MTUS1: variants seen among roughly 807,000 people sequenced by gnomAD.
MTUS1 encodes microtubule associated scaffold protein 1, also known as microtubule-associated tumor suppressor 1.
In MTUS1, 109 loss-of-function variants were observed where a neutral mutation model predicts 120.8. That is an observed-to-expected ratio of 0.90 (90% confidence interval 0.77 to 1.06). The LOEUF is 1.06. Among genes scored for constraint, MTUS1 ranks in the 50% least tolerant of loss-of-function variants. The pLI is 0.00. For missense variants in MTUS1, 2,210 were observed against 1,486.3 expected, an observed-to-expected ratio of 1.49 and a Z score of -8.01; for synonymous variants, 737 against 550.5, an observed-to-expected ratio of 1.34 and a Z score of -4.74.
intron 1 of MTUS1, among the ~76,000 whole-genome samples, chr8:17,788,585 G>A (rs1255795227): frequency 6.6e-6 from 1 of 152,144 alleles, no homozygotes; most frequent in Non-Finnish European, 1.5e-5. Context: ...TTGAAAAGCA[G>A]GCTAGGAAGG....
intron 6 of MTUS1, chr8:17,691,205 A>G (rs1023226476): frequency 2.6e-5 from 4 of 152,228 alleles, no homozygotes; most frequent in African/African-American, 9.6e-5. Flanking sequence ...ACATTAAAAC[A>G]TAATTTAGTG....
At chr8:17,753,642 T>C (rs2048359741) in intron 2 of MTUS1, 75 bp downstream of exon 2, 5 of 985,350 alleles carry the variant, frequency 5.1e-6, no homozygotes, top group Non-Finnish European at 7.4e-6. Context: ...GACTAATAGA[T>C]AACTAAATGC....
At chr8:17,679,088 G>C (rs1449020230) in intron 7 of MTUS1, among the ~76,000 whole-genome samples, 1 of 152,152 alleles carries the variant, frequency 6.6e-6, no homozygotes, top group Admixed American at 6.5e-5. Flanking sequence ...TAGTTACTAA[G>C]TAGACTTGCA....
chr8:17,750,987 G>T (rs909655515), intron 2 of MTUS1, among the ~76,000 whole-genome samples: 65 of 152,158 alleles, frequency 4.3e-4, no homozygotes, highest in African/African-American at 1.5e-3. Flanking sequence ...TAAACTCAAG[G>T]CCTAAGGCAG....
intron 2 of MTUS1, among the ~76,000 whole-genome samples, chr8:17,753,024 C>G (rs75837647): frequency 0.04 from 6,056 of 152,212 alleles, 157 homozygotes; most frequent in African/African-American, 0.079. Flanking sequence ...TCTAGGTCCC[C>G]CCCAAATATT....
At chr8:17,718,782 T>A (rs1162917589) in intron 4 of MTUS1, among the ~76,000 whole-genome samples, 1 of 151,726 alleles carries the variant, frequency 6.6e-6, no homozygotes, top group Non-Finnish European at 1.5e-5. Flanking sequence ...AAAGTGTGGT[T>A]CAAGTGAAAT....
At chr8:17,702,405 A>C (rs895762114) in intron 6 of MTUS1, among the ~76,000 whole-genome samples, 1 of 152,178 alleles carries the variant, frequency 6.6e-6, no homozygotes, top group African/African-American at 2.4e-5. Context: ...TTGTGGCAAG[A>C]ACACTTAATG....
At chr8:17,725,098 G>A (rs1020378633) in intron 3 of MTUS1, among the ~76,000 whole-genome samples, 5 of 151,884 alleles carry the variant, frequency 3.3e-5, no homozygotes, top group African/African-American at 1.2e-4. Flanking sequence ...CAAACCATTG[G>A]AATCATCTTT....
chr8:17,666,393 G>C (rs1198367569), intron 8 of MTUS1, among the ~76,000 whole-genome samples: 1 of 152,104 alleles, frequency 6.6e-6, no homozygotes, highest in South Asian at 2.1e-4. Context: ...AAAAGTCCTT[G>C]GCATGTGTAA....
At chr8:17,670,312 T>C (rs766410662) in intron 8 of MTUS1, among the ~76,000 whole-genome samples, 1 of 152,126 alleles carries the variant, frequency 6.6e-6, no homozygotes, top group African/African-American at 2.4e-5. Flanking sequence ...AAAATAAATC[T>C]GTGTCACTGT....
intron 1 of MTUS1, among the ~76,000 whole-genome samples, chr8:17,779,047 G>A (rs1322143703): frequency 1.3e-5 from 2 of 152,152 alleles, no homozygotes; most frequent in African/African-American, 2.4e-5. Context: ...GGAAAGCATG[G>A]ATGCTCTGAT....
intron 1 of MTUS1, among the ~76,000 whole-genome samples, chr8:17,795,483 C>T (rs1405785188): frequency 6.6e-6 from 1 of 152,154 alleles, no homozygotes; most frequent in Non-Finnish European, 1.5e-5. Context: ...AAACCTCTTC[C>T]AATACATCTT....
chr8:17,785,125 T>TC (rs1279408120), intron 1 of MTUS1, among the ~76,000 whole-genome samples: 2 of 84,698 alleles, frequency 2.4e-5, no homozygotes, highest in African/African-American at 6.4e-5. Flanking sequence ...CATTCCTAGG[T>TC]CCTCTATCAC....
At chr8:17,733,212 G>A (rs780839546) in intron 3 of MTUS1, among the ~76,000 whole-genome samples, 32 of 152,150 alleles carry the variant, frequency 2.1e-4, no homozygotes, top group South Asian at 1.9e-3. Context: ...CTAGCTGGGC[G>A]TGGTGGCAGG....
chr8:17,707,125 G>T (rs1008110865), intron 6 of MTUS1, among the ~76,000 whole-genome samples: 3 of 152,162 alleles, frequency 2.0e-5, no homozygotes, highest in Admixed American at 6.5e-5. Flanking sequence ...AATGTCTTCT[G>T]TATCAGCTAA....
chr8:17,765,914 A>G (rs946433330), intron 1 of MTUS1, among the ~76,000 whole-genome samples: 3 of 152,114 alleles, frequency 2.0e-5, no homozygotes, highest in Non-Finnish European at 2.9e-5. Flanking sequence ...ATAGCACCAA[A>G]AATTGGTTCT....
intron 12 of MTUS1, among the ~76,000 whole-genome samples, chr8:17,650,257 T>A (rs1041689564): frequency 6.6e-6 from 1 of 152,298 alleles, no homozygotes; most frequent in African/African-American, 2.4e-5. Flanking sequence ...CAAAACAGAA[T>A]CTTGGCTGGA....
intron 6 of MTUS1, chr8:17,697,341 G>C (rs747813241): frequency 6.2e-7 from 1 of 1,614,176 alleles, no homozygotes; most frequent in East Asian, 2.2e-5. Flanking sequence ...AGTCGTATGT[G>C]AATGGTGGAT....
At chr8:17,707,419 T>C (rs1820391388) in intron 6 of MTUS1, among the ~76,000 whole-genome samples, 1 of 152,150 alleles carries the variant, frequency 6.6e-6, no homozygotes, top group South Asian at 2.1e-4. Flanking sequence ...GTCATGATAA[T>C]AACTAACCAT....
Sources: gnomAD v4.1 joint callset for allele counts (sites outside exome capture counted in the v4.1 genomes callset) on GRCh38, gnomAD v4.1.1 for gene constraint, MANE v1.5 for transcripts, NCBI Gene and HGNC (gene_info 2026-07-23, HGNC 2026-07-21) for gene names.